LRP1B: variants seen among roughly 807,000 people sequenced by gnomAD.
The protein encoded by LRP1B is LDL receptor related protein 1B.
Under a neutral mutation model 556.6 loss-of-function variants are expected in LRP1B, and 217 were observed. The observed-to-expected ratio is 0.39, with a 90% CI of 0.35 to 0.44. The LOEUF (loss-of-function observed/expected upper bound fraction) is 0.44. Ranked by LOEUF, LRP1B falls within the 20% of genes least tolerant of loss-of-function variation. The pLI is 1.00. For synonymous variants in LRP1B, 2,047 were observed against 1,865.8 expected (o/e 1.10, Z -2.50); for missense variants, 5,053 against 5,620.8 (o/e 0.90, Z 3.23).
At chr2:141,267,307 T>G (rs2105362168) in intron 3 of LRP1B, among the ~76,000 whole-genome samples, 1 of 152,348 alleles carries the variant, frequency 6.6e-6, no homozygotes, top group South Asian at 2.1e-4. Context: ...GGTGAGTTTC[T>G]TAAACTATCT....
At chr2:141,347,481 C>T (rs1688295976) in intron 3 of LRP1B, among the ~76,000 whole-genome samples, 1 of 151,460 alleles carries the variant, frequency 6.6e-6, no homozygotes, top group Non-Finnish European at 1.5e-5. Context: ...CTCTGAATAA[C>T]AACAGGGAAC....
intron 3 of LRP1B, among the ~76,000 whole-genome samples, chr2:141,315,252 A>ATTTTTTT (rs34839276): frequency 2.7e-4 from 21 of 77,188 alleles, no homozygotes; most frequent in Admixed American, 4.4e-4. Flanking sequence ...AATGATTGTA[A>ATTTTTTT]TTTTTTTTTT....
chr2:141,862,222 C>G (rs551747917), intron 1 of LRP1B, among the ~76,000 whole-genome samples: 2 of 152,040 alleles, frequency 1.3e-5, no homozygotes, highest in East Asian at 3.9e-4. Context: ...ACTTTGTAAG[C>G]CTACACCACC....
Position 141,020,072 on chromosome 2 carries a change from T to C in LRP1B, c.1820A>G (p.Asp607Gly). 6.2e-7 allele frequency: 1 copy of C among 1,608,622 alleles called. No homozygotes were observed. Among genetic ancestry groups the C allele is most frequent in the Non-Finnish European group, 8.5e-7 (1 of 1,176,746 alleles). ...CCAGTAAAGATTATTTCCAATCCAG[T>C]CCACAGCAATGCCCTCTACATTATC... ...DLDNVEGIAVDWIGNNLYWTN... is the reference protein window; with the variant it reads ...DLDNVEGIAVGWIGNNLYWTN... Residue 607 changes from aspartate to glycine, a missense_variant, in exon 12 of 91, where the codon GAC becomes GGC. This residue lies in a region of LRP1B where 3,619 missense variants were observed against 3,931.9 expected (regional missense o/e 0.92). Coordinates refer to ENST00000389484, the MANE Select transcript of LRP1B (RefSeq NM_018557.3).
chr2:140,341,426 T>C (rs1170708561), intron 77 of LRP1B, among the ~76,000 whole-genome samples: 1 of 151,492 alleles, frequency 6.6e-6, no homozygotes. Context: ...TCCCTTCAAA[T>C]GACAACAGAG....
intron 1 of LRP1B, among the ~76,000 whole-genome samples, chr2:142,019,622 C>T (rs1266053607): frequency 6.6e-6 from 1 of 152,196 alleles, no homozygotes; most frequent in Non-Finnish European, 1.5e-5. Context: ...GCTGTAGAAA[C>T]ACAACTCAGA....
At chr2:141,853,344 G>GA (rs1697929841) in intron 1 of LRP1B, among the ~76,000 whole-genome samples, 1 of 151,482 alleles carries the variant, frequency 6.6e-6, no homozygotes, top group Non-Finnish European at 1.5e-5. Context: ...TCACGCAATA[G>GA]AAAAAATAAT....
At position 141,376,641 on chromosome 2, in the gene LRP1B, A is replaced by C. The variant is rs540587707; in HGVS notation, c.343+103755T>G. Among the ~76,000 whole-genome samples the C allele has an allele frequency of 2.6e-5, 4 of 152,344 alleles. No individual in the cohort carries two copies. In the East Asian group the frequency reaches 7.7e-4, roughly 29 times the overall value. Reference sequence around the variant, plus strand: ...TATGCATGAAAATTTTTTAACAATTAGATTTCTAGATATTTGAAGTCCAAC... The same window carrying C: ...TATGCATGAAAATTTTTTAACAATTCGATTTCTAGATATTTGAAGTCCAAC... On this transcript the variant is annotated intron_variant, in intron 3 of 90. Transcript: ENST00000389484.
intron 41 of LRP1B, among the ~76,000 whole-genome samples, chr2:140,672,841 C>T (rs1354709079): frequency 6.6e-6 from 1 of 152,194 alleles, no homozygotes; most frequent in Non-Finnish European, 1.5e-5. Flanking sequence ...CAAGAGGCCC[C>T]TACACAGGTA....
At chr2:140,600,766 G>GT (rs1558996101) in intron 42 of LRP1B, among the ~76,000 whole-genome samples, 1 of 46,174 alleles carries the variant, frequency 2.2e-5, no homozygotes, top group African/African-American at 8.2e-5. Context: ...TGTTCTTCGG[G>GT]GTTTTTTTTT....
chr2:142,107,969 A>G (rs1166791530), intron 1 of LRP1B, among the ~76,000 whole-genome samples: 1 of 149,826 alleles, frequency 6.7e-6, no homozygotes, highest in Non-Finnish European at 1.5e-5. Flanking sequence ...ATATATATTT[A>G]TATTATATAA....
intron 1 of LRP1B, among the ~76,000 whole-genome samples, chr2:141,902,202 T>C (rs1699638106): frequency 6.6e-6 from 1 of 151,664 alleles, no homozygotes; most frequent in South Asian, 2.1e-4. Context: ...AAACTAAAAA[T>C]AGCATTAGTT....
chr2:140,630,741 A>C (rs1366460903), intron 41 of LRP1B, among the ~76,000 whole-genome samples: 1 of 152,190 alleles, frequency 6.6e-6, no homozygotes, highest in Non-Finnish European at 1.5e-5. Context: ...CAGAATTCTC[A>C]ATTACAAAGA....
At chr2:141,652,609 A>G (rs943753460) in intron 2 of LRP1B, among the ~76,000 whole-genome samples, 1 of 152,220 alleles carries the variant, frequency 6.6e-6, no homozygotes, top group Admixed American at 6.5e-5. Flanking sequence ...ATGTTTTTCT[A>G]TCTGTCATTC....
At chr2:140,427,625 G>C (rs564052759) in intron 66 of LRP1B, among the ~76,000 whole-genome samples, 1 of 152,256 alleles carries the variant, frequency 6.6e-6, no homozygotes, top group South Asian at 2.1e-4. Flanking sequence ...AACGGTCTGA[G>C]GTGCCTGATA....
chr2:140,238,234 G>A lies in LRP1B; in HGVS notation c.13478C>T (p.Pro4493Leu), dbSNP rs1358691341. 3 of 1,594,224 alleles carry A rather than the reference G, an allele frequency of 1.9e-6. No homozygotes were observed. The highest frequency in any genetic ancestry group is 2.6e-6 in the Non-Finnish European group (3 of 1,164,326). The change falls in exon 89 of 91, where the codon CCA becomes CTA. Residue 4493 changes from proline to leucine, a missense_variant. By Grantham distance (98) the Pro-to-Leu change is moderately conservative. This residue lies in a region of LRP1B where 551 missense variants were observed against 592.0 expected (regional missense o/e 0.93). Coordinates refer to ENST00000389484, the MANE Select transcript of LRP1B (RefSeq NM_018557.3). ...NGGINVEIGN[P>L]SYNMYEVDHD... ...ATCTACCTCATACATGTTATAAGAT[G>A]GATTGCCAATTTCTACATTTATTCC...
intron 31 of LRP1B, 144 bp downstream of exon 31, chr2:140,839,847 G>A: frequency 1.6e-6 from 1 of 630,472 alleles, no homozygotes; most frequent in Non-Finnish European, 2.7e-6. Context: ...GAAACCCAAT[G>A]GATTCAATGA....
chr2:141,972,736 C>T (rs549553431), intron 1 of LRP1B, among the ~76,000 whole-genome samples: 3 of 151,712 alleles, frequency 2.0e-5, no homozygotes, highest in South Asian at 2.1e-4. Context: ...ATGTTTTCAA[C>T]ATTTAATAGG....
intron 3 of LRP1B, among the ~76,000 whole-genome samples, chr2:141,477,385 A>G (rs1274092007): frequency 6.6e-6 from 1 of 151,890 alleles, no homozygotes. Flanking sequence ...TCTATAGTGG[A>G]TAAGAAAGTT....
Sources: allele counts gnomAD v4.1 joint callset (sites outside exome capture counted in the v4.1 genomes callset), GRCh38; gene constraint gnomAD v4.1.1; regional missense constraint gnomAD v4.1.1; transcripts MANE v1.5; gene names NCBI Gene and HGNC (gene_info 2026-07-23, HGNC 2026-07-21).